PPP2R1B: variants seen among roughly 807,000 people sequenced by gnomAD.
PPP2R1B encodes the protein serine/threonine-protein phosphatase 2A 65 kDa regulatory subunit A beta isoform.
Under a neutral mutation model 72.7 loss-of-function variants are expected in PPP2R1B, and 58 were observed. The observed-to-expected ratio is 0.80, with a 90% CI of 0.65 to 0.99. The LOEUF (loss-of-function observed/expected upper bound fraction) is 0.99. Among genes scored for constraint, PPP2R1B ranks in the 50% least tolerant of loss-of-function variants. The pLI is 0.00. For missense variants in PPP2R1B, 695 were observed against 733.6 expected (o/e 0.95, Z 0.61); for synonymous variants, 256 against 264.6 (o/e 0.97, Z 0.32).
At chr11:111,724,111 G>T (rs762165315), downstream of PPP2R1B, 2 of 1,611,012 alleles carry the variant, frequency 1.2e-6, no homozygotes, top group Admixed American at 3.3e-5. Context: ...AACACAACGG[G>T]TATGTCCTGG....
chr11:111,727,123 C>G, intron 15 of PPP2R1B: 1 of 1,417,494 alleles, frequency 7.1e-7, no homozygotes, highest in Non-Finnish European at 9.9e-7. Context: ...CCCGGTGACA[C>G]TGACCGTCCC....
At chr11:111,726,754 C>T (rs114480420), downstream of PPP2R1B, 362 of 568,364 alleles carry the variant, frequency 6.4e-4, 4 homozygotes, top group African/African-American at 6.3e-3. Flanking sequence ...TCTTTTTCTG[C>T]GGGGCTACTC....
chr11:111,749,370 G>A (rs977299420), intron 10 of PPP2R1B, among the ~76,000 whole-genome samples: 4 of 151,606 alleles, frequency 2.6e-5, no homozygotes, highest in Non-Finnish European at 4.4e-5. Flanking sequence ...TACAACCTCC[G>A]CCTCCTGGGT....
intron 12 of PPP2R1B, among the ~76,000 whole-genome samples, chr11:111,742,937 T>G (rs975916921): frequency 6.6e-6 from 1 of 151,804 alleles, no homozygotes; most frequent in African/African-American, 2.4e-5. Flanking sequence ...TGGAGTGTAG[T>G]GGCGCGATCT....
At chr11:111,717,455 T>C in the PPP2R1B span, among the ~76,000 whole-genome samples, 1 of 151,538 alleles carries the variant, frequency 6.6e-6, no homozygotes, top group Non-Finnish European at 1.5e-5. Flanking sequence ...GATACTGGCC[T>C]GGTTGCAGAG....
At chr11:111,762,764 C>T (rs1945375207) in intron 3 of PPP2R1B, among the ~76,000 whole-genome samples, 1 of 152,000 alleles carries the variant, frequency 6.6e-6, no homozygotes, top group Admixed American at 6.6e-5. Context: ...TCTTGAACTC[C>T]TGGCCTCAAG....
At chr11:111,697,600 A>G in the PPP2R1B span, among the ~76,000 whole-genome samples, 1 of 152,162 alleles carries the variant, frequency 6.6e-6, no homozygotes, top group Admixed American at 6.5e-5. Flanking sequence ...AAGTTAAGTA[A>G]TTTGTCCAAG....
chr11:111,701,837 G>A, the PPP2R1B span, among the ~76,000 whole-genome samples: 3 of 151,962 alleles, frequency 2.0e-5, no homozygotes, highest in South Asian at 6.2e-4. This position sits in a 1 kb window ranked among gnomAD's most constrained non-coding sequence, Gnocchi z 4.2. Context: ...AATGTCCCAG[G>A]TTTATTTTAG....
chr11:111,748,028 A>G lies in PPP2R1B; in HGVS notation c.1339-14T>C, dbSNP rs1944766329. The G allele has an allele frequency of 6.2e-7, 1 of 1,609,220 alleles. No homozygotes were observed. Among genetic ancestry groups the G allele is most frequent in the Non-Finnish European group, 8.5e-7 (1 of 1,177,356 alleles). ...GAATTCCACACCCTACAGATACAGAAGATTCCATTAACATACATTGCCAAA... is the reference window on the plus strand; with the variant it reads ...GAATTCCACACCCTACAGATACAGAGGATTCCATTAACATACATTGCCAAA... On this transcript the variant is annotated splice_polypyrimidine_tract_variant and intron_variant, in intron 10 of 14. Coordinates refer to ENST00000527614, the MANE Select transcript of PPP2R1B (RefSeq NM_002716.5).
the PPP2R1B span, among the ~76,000 whole-genome samples, chr11:111,718,322 ATTAAG>A: frequency 6.6e-6 from 1 of 152,198 alleles, no homozygotes; most frequent in Non-Finnish European, 1.5e-5. Flanking sequence ...CAAGGAAACT[ATTAAG>A]TTTAGTCAAA....
In PPP2R1B at chr11:111,766,340, C is replaced by G. The variant is rs142771326; in HGVS notation, c.22G>C (p.Gly8Arg). 297 of 1,557,290 alleles carry G rather than the reference C, an allele frequency of 1.9e-4. 1 individual carries two copies. The highest frequency in any genetic ancestry group is 1.0e-3 in the African/African-American group (63 of 62,096). Residue 8 changes from glycine (G) to arginine (R), a missense_variant, in exon 1 of 15, where the codon GGG becomes CGG. Gly to Arg is a moderately radical substitution (Grantham distance 125). Transcript: ENST00000527614. ...CCACCCGCTGCTCCTGGGCCGGTCCCGAGCTCTGATGCGCCCGCCATGTTC... is the reference window on the plus strand; with the variant it reads ...CCACCCGCTGCTCCTGGGCCGGTCCGGAGCTCTGATGCGCCCGCCATGTTC... MAGASEL[G>R]TGPGAAGGDG...
At chr11:111,705,070 C>T in the PPP2R1B span, 15 of 1,608,958 alleles carry the variant, frequency 9.3e-6, no homozygotes, top group Non-Finnish European at 1.2e-5. This position sits in a 1 kb window ranked among gnomAD's most constrained non-coding sequence, Gnocchi z 4.3. Flanking sequence ...GGAGCAGTTT[C>T]CCAGTGGAGC....
chr11:111,699,874 T>C, the PPP2R1B span, among the ~76,000 whole-genome samples: 1 of 152,216 alleles, frequency 6.6e-6, no homozygotes, highest in Non-Finnish European at 1.5e-5. Context: ...TGTCTGGCAG[T>C]AGAGACTTGA....
chr11:111,760,526 G>A (rs530267204), intron 4 of PPP2R1B, among the ~76,000 whole-genome samples: 5 of 152,032 alleles, frequency 3.3e-5, no homozygotes, highest in South Asian at 2.1e-4. Context: ...AGTGTATGTC[G>A]GTAGTCCTAG....
At chr11:111,761,092 T>C in intron 3 of PPP2R1B, 41 bp from the exon 4 acceptor site, 1 of 1,524,866 alleles carries the variant, frequency 6.6e-7, no homozygotes, top group Non-Finnish European at 9.0e-7. Context: ...GAAAACTTAT[T>C]GAATCAGGTT....
chr11:111,719,156 C>A, the PPP2R1B span, among the ~76,000 whole-genome samples: 1 of 152,188 alleles, frequency 6.6e-6, no homozygotes, highest in South Asian at 2.1e-4. Flanking sequence ...CTTTGGCTGT[C>A]TGCCATTTGA....
chr11:111,717,057 G>A, the PPP2R1B span, among the ~76,000 whole-genome samples: 3 of 152,076 alleles, frequency 2.0e-5, no homozygotes, highest in Non-Finnish European at 4.4e-5. Context: ...GCTCACGCCC[G>A]TAATCCCAGC....
At chr11:111,706,681 G>T in the PPP2R1B span, among the ~76,000 whole-genome samples, 1 of 152,066 alleles carries the variant, frequency 6.6e-6, no homozygotes, top group African/African-American at 2.4e-5. Flanking sequence ...AAGAGTATTG[G>T]CTGGGCGTGG....
Position 111,755,089 on chromosome 11 carries a change from C to G in PPP2R1B, c.849G>C (p.Gln283His). ...GGGTGATTTTAGGACCCATGGCTTT[C>G]TGGAGCTATAAAAGAATTTGAACGG... ...YMVADRFSEL[Q>H]KAMGPKITLN... is the part of the protein sequence containing the mutation. Residue 283 changes from glutamine to histidine, a missense_variant, in exon 7 of 15, where the codon CAG (glutamine) becomes CAC (histidine). Transcript: ENST00000527614. 1.2e-6 allele frequency: 2 copies of G among 1,606,954 alleles called. No homozygotes were observed.
Sources: gnomAD v4.1 joint callset for allele counts (sites outside exome capture counted in the v4.1 genomes callset) on GRCh38, gnomAD v4.1.1 for gene constraint, Gnocchi (gnomAD v3.1) non-coding constraint, MANE v1.5 for transcripts, NCBI Gene and HGNC (gene_info 2026-07-23, HGNC 2026-07-21) for gene names.